The following EPS8 variants were observed in gnomAD, a reference collection of about 807,000 sequenced individuals.
EPS8 encodes the protein EGFR pathway substrate 8, signaling adaptor, also known as epidermal growth factor receptor kinase substrate 8.
Under a neutral mutation model 103.8 loss-of-function variants are expected in EPS8, and 42 were observed. The ratio of observed to expected loss-of-function variants is 0.40; its 90% CI spans 0.32 to 0.52. The LOEUF is 0.52. Among genes scored for constraint, EPS8 ranks in the 20% least tolerant of loss-of-function variants. The pLI, the probability that EPS8 is intolerant of heterozygous loss-of-function variation, is 0.40. For missense variants in EPS8, 969 were observed against 1,005.1 expected, an observed-to-expected ratio of 0.96 and a Z score of 0.49; for synonymous variants, 344 against 344.6, an observed-to-expected ratio of 1.00 and a Z score of 0.02.
intron 17 of EPS8, among the ~76,000 whole-genome samples, chr12:15,639,811 T>A (rs968805223): frequency 4.6e-5 from 7 of 152,238 alleles, no homozygotes; most frequent in African/African-American, 1.2e-4. Flanking sequence ...TCACTGCATA[T>A]TCTACGCAGC....
At chr12:15,740,759 A>G (rs746283781) in intron 1 of EPS8, among the ~76,000 whole-genome samples, 2 of 152,154 alleles carry the variant, frequency 1.3e-5, no homozygotes, top group African/African-American at 2.4e-5. Flanking sequence ...CAGGAAAGGT[A>G]CTTATCAACT....
In EPS8 at chr12:15,681,318, T is replaced by A. The variant is rs7131811; in HGVS notation, c.60-16A>T. 2,237 of 987,244 alleles carry A rather than the reference T, an allele frequency of 2.3e-3. 38 individuals carry two copies. In the African/African-American group the frequency reaches 0.036, roughly 16 times the overall value. 61.2% of individuals were successfully genotyped at this position (987,244 alleles called of 1,614,324 possible). On this transcript the variant is annotated splice_polypyrimidine_tract_variant and intron_variant, in intron 2 of 20. Transcript: ENST00000281172. Reference sequence around the variant, plus strand: ...TCCGTAGCCACTGTAATAATAATAATAATAATAATAATAATAATATAAAAA... The same window carrying A: ...TCCGTAGCCACTGTAATAATAATAAAAATAATAATAATAATAATATAAAAA...
intron 1 of EPS8, among the ~76,000 whole-genome samples, chr12:15,687,716 A>T (rs556572138): frequency 6.6e-6 from 1 of 152,202 alleles, no homozygotes; most frequent in Non-Finnish European, 1.5e-5. Context: ...GACATATTCT[A>T]ATACTACTAT....
Position 15,704,178 on chromosome 12 carries a change from C to CA in EPS8, c.-21-21207dup, listed in dbSNP as rs769098285. On this transcript the variant is annotated intron_variant, in intron 1 of 20. Coordinates refer to ENST00000281172, the MANE Select transcript of EPS8 (RefSeq NM_004447.6). This position sits in a 1 kb window ranked among gnomAD's most constrained non-coding sequence, Gnocchi z 4.6. Reference sequence around the variant, plus strand: ...TGTGGAAAACAGTATGGCAGCTCCTCAAAAAAATCAAGCATAGAATTACTA... The same window carrying CA: ...TGTGGAAAACAGTATGGCAGCTCCTCAAAAAAAATCAAGCATAGAATTACTA... Among the ~76,000 whole-genome samples the CA allele has an allele frequency of 6.6e-6, 1 of 151,900 alleles. No homozygotes were observed. Among genetic ancestry groups the CA allele is most frequent in the African/African-American group, 2.4e-5 (1 of 41,328 alleles).
rs1000002784 is a variant in EPS8 at position 15,631,331 on chromosome 12, C to G, written c.2044+111G>C. On this transcript the variant is annotated intron_variant, in intron 18 of 20. Transcript: ENST00000281172. ...GAAAATCTTTGCAATCTATTAAGTACCATGCAAGTATAAAGGACTTTAATA... is the reference window on the plus strand; with the variant it reads ...GAAAATCTTTGCAATCTATTAAGTAGCATGCAAGTATAAAGGACTTTAATA... 2.1e-6 allele frequency: 3 copies of G among 1,458,818 alleles called. No homozygotes were observed. The African/African-American group carries it at 4.2e-5, about 20-fold the overall frequency. The allele number at this position is 1,458,818 out of a possible 1,614,324, so 90.4% of individuals were successfully genotyped here.
At chr12:15,645,476 C>G (rs73311028) in intron 15 of EPS8, among the ~76,000 whole-genome samples, 12,261 of 151,728 alleles carry the variant, frequency 0.081, 1,083 homozygotes, top group African/African-American at 0.22. Flanking sequence ...ATAATAATAC[C>G]ACTTTAACTA....
chr12:15,668,757 G>C (rs989765799), intron 6 of EPS8, among the ~76,000 whole-genome samples: 20 of 152,122 alleles, frequency 1.3e-4, no homozygotes, highest in African/African-American at 4.8e-4. Context: ...TATGTCATTA[G>C]TGCAGAATAA....
rs368365070 is a variant in EPS8, at chr12:15,669,509, T to C, written c.394A>G (p.Thr132Ala). 1.6e-5 allele frequency: 25 copies of C among 1,604,268 alleles called. No individual in the cohort carries two copies. Among genetic ancestry groups the C allele is most frequent in the Admixed American group, 3.5e-5 (2 of 57,630 alleles). Residue 132 changes from threonine to alanine, a missense_variant, in exon 6 of 21, where the codon ACA (threonine) becomes GCA (alanine). Transcript: ENST00000281172. ...KNELENFPLN[T>A]IQHCQAVMHS... ...ATCACAGCTTGGCAGTGCTGGATTG[T>C]GTTTAAAGGAAAATTCTCCAGTTCA...
intron 17 of EPS8, among the ~76,000 whole-genome samples, chr12:15,636,238 C>A (rs138266242): frequency 6.6e-6 from 1 of 152,200 alleles, no homozygotes; most frequent in Non-Finnish European, 1.5e-5. Context: ...TACTACAAAG[C>A]CTTGGAATGC....
rs971553819 is a variant in EPS8 at position 15,688,126 on chromosome 12, A to C, written c.-21-5154T>G. Reference sequence around the variant, plus strand: ...TTATTTGCATCTAAGGTAAAATCATAGGCAGAAGTGAACACAAAGGAGAAA... The same window carrying C: ...TTATTTGCATCTAAGGTAAAATCATCGGCAGAAGTGAACACAAAGGAGAAA... On this transcript the variant is annotated intron_variant, in intron 1 of 20. Coordinates refer to ENST00000281172, the MANE Select transcript of EPS8 (RefSeq NM_004447.6). This position sits in a 1 kb window ranked among gnomAD's most constrained non-coding sequence, Gnocchi z 5.1. Among the ~76,000 whole-genome samples the C allele has an allele frequency of 8.5e-5, 13 of 152,246 alleles. No homozygotes were observed. The highest frequency in any genetic ancestry group is 3.1e-4 in the African/African-American group (13 of 41,468).
rs560213798 is a variant in EPS8 at position 15,702,566 on chromosome 12, G to A, written c.-21-19594C>T. Among the ~76,000 whole-genome samples, 1 of 151,390 alleles carries A rather than the reference G, an allele frequency of 6.6e-6. No homozygotes were observed. Among genetic ancestry groups the A allele is most frequent in the Admixed American group, 6.6e-5 (1 of 15,208 alleles). Reference sequence around the variant, plus strand: ...CTTCATAGAGCAGCAGCAAACTACTGAAGAAAAAAAATGCATGCTTAATGT... The same window carrying A: ...CTTCATAGAGCAGCAGCAAACTACTAAAGAAAAAAAATGCATGCTTAATGT... On this transcript the variant is annotated intron_variant, in intron 1 of 20. Transcript: ENST00000281172. The surrounding 1 kb of genome is among the most constrained non-coding windows in gnomAD (Gnocchi z 5.1).
chr12:15,685,618 G>T (rs1946082915), intron 1 of EPS8, among the ~76,000 whole-genome samples: 1 of 152,166 alleles, frequency 6.6e-6, no homozygotes, highest in African/African-American at 2.4e-5. Context: ...ATAGAAAATG[G>T]CAATTTGCTA....
rs1947210604 is a variant in EPS8, at chr12:15,776,796, T to C, written c.-22+12365A>G. Among the ~76,000 whole-genome samples the C allele has an allele frequency of 6.6e-6, 1 of 152,222 alleles. No individual in the cohort carries two copies. The highest frequency in any genetic ancestry group is 2.4e-5 in the African/African-American group (1 of 41,466). ...TTCCCCTTTTGCTACCGCCAAACTA[T>C]TTTTATATCAGATTCTACCACCACT... On this transcript the variant is annotated intron_variant, in intron 1 of 20. Transcript: ENST00000281172. This position sits in a 1 kb window ranked among gnomAD's most constrained non-coding sequence, Gnocchi z 4.2.
At chr12:15,632,986 T>A (rs2135734757) in intron 17 of EPS8, among the ~76,000 whole-genome samples, 1 of 151,960 alleles carries the variant, frequency 6.6e-6, no homozygotes, top group South Asian at 2.1e-4. Flanking sequence ...AAAGGAGTGT[T>A]TATAATGCTG....
rs142247571 is a variant in EPS8, at chr12:15,730,142, A to C, written c.-21-47170T>G. Among the ~76,000 whole-genome samples the C allele has an allele frequency of 8.0e-3, 1,221 of 152,220 alleles. 14 individuals carry two copies. The highest frequency in any genetic ancestry group is 0.027 in the African/African-American group (1,137 of 41,542). On this transcript the variant is annotated intron_variant, in intron 1 of 20. Coordinates refer to ENST00000281172, the MANE Select transcript of EPS8 (RefSeq NM_004447.6). ...CTTTGGGGCATCTCAACTTTTCCTT[A>C]GTTTTGATAACCATATTGATAATTA...
In EPS8 at chr12:15,735,016, C is replaced by T. The variant is rs965509393; in HGVS notation, c.-21-52044G>A. Among the ~76,000 whole-genome samples the T allele has an allele frequency of 6.6e-6, 1 of 152,006 alleles. No individual in the cohort carries two copies. The highest frequency in any genetic ancestry group is 1.5e-5 in the Non-Finnish European group (1 of 68,020). On this transcript the variant is annotated intron_variant, in intron 1 of 20. Coordinates refer to ENST00000281172, the MANE Select transcript of EPS8 (RefSeq NM_004447.6). The surrounding 1 kb of genome is among the most constrained non-coding windows in gnomAD (Gnocchi z 4.4). The stretch of plus-strand genomic sequence containing the variant: ...GCACAGCCCAGGTATTGACAGGGAG[C>T]TCCGAATGCCTAGCCTGGAACCCTC...
chr12:15,768,429 CAAAAAAA>C (rs71042268), intron 1 of EPS8, among the ~76,000 whole-genome samples: 853 of 24,774 alleles, frequency 0.034, 2 homozygotes, highest in Non-Finnish European at 0.044. Context: ...GACTCCATCT[CAAAAAAA>C]AAAAAAAAAA....
Position 15,706,915 on chromosome 12 carries a change from A to T in EPS8, c.-21-23943T>A, listed in dbSNP as rs1308671757. ...TAGTTAGCAAGCCAGACAAGCTTACATTTCAGTCCTTATTAAATGTAAAAC... is the reference window on the plus strand; with the variant it reads ...TAGTTAGCAAGCCAGACAAGCTTACTTTTCAGTCCTTATTAAATGTAAAAC... On this transcript the variant is annotated intron_variant, in intron 1 of 20. Transcript: ENST00000281172. This position sits in a 1 kb window ranked among gnomAD's most constrained non-coding sequence, Gnocchi z 5.2. 6.6e-6 allele frequency among the ~76,000 whole-genome samples: 1 copy of T among 152,156 alleles called. No individual in the cohort carries two copies. The highest frequency in any genetic ancestry group is 1.5e-5 in the Non-Finnish European group (1 of 68,034).
rs1386269926 is a variant in EPS8, at chr12:15,640,720, A to T, written c.1804T>A (p.Tyr602Asn). The T allele has an allele frequency of 1.2e-6, 2 of 1,613,922 alleles. No homozygotes were observed. The highest frequency in any genetic ancestry group is 1.3e-5 in the African/African-American group (1 of 75,056). The part of the protein sequence containing the change: ...ESGLGRADPP[Y>N]THTIQKQRME... ...ATGCTCACCTGTATAGTATGAGTAT[A>T]AGGTGGATCAGCACGCCCCAATCCA... The change falls in exon 17 of 21, where the codon TAT (tyrosine) becomes AAT (asparagine). Residue 602 changes from tyrosine (Y) to asparagine (N), a missense_variant. Transcript: ENST00000281172.
Sources: allele counts gnomAD v4.1 joint callset (sites outside exome capture counted in the v4.1 genomes callset), GRCh38; gene constraint gnomAD v4.1.1; non-coding constraint Gnocchi (gnomAD v3.1); transcripts MANE v1.5; gene names NCBI Gene and HGNC (gene_info 2026-07-23, HGNC 2026-07-21).